Variants in VAT1L observed in about 807,000 individuals in gnomAD.
VAT1L encodes the protein vesicle amine transport 1 like.
In VAT1L, 34 loss-of-function variants were observed where a neutral mutation model predicts 44.1. The observed-to-expected ratio is 0.77, with a 90% CI of 0.59 to 1.03. VAT1L has a LOEUF of 1.03. Ranked by LOEUF, VAT1L falls within the 50% of genes least tolerant of loss-of-function variation. The pLI is 0.00. For missense variants in VAT1L, 615 were observed against 538.8 expected (o/e 1.14, Z -1.40); for synonymous variants, 253 against 202.2 (o/e 1.25, Z -2.13).
chr16:77,922,429 G>A (rs1310900707), intron 7 of VAT1L, among the ~76,000 whole-genome samples: 1 of 152,192 alleles, frequency 6.6e-6, no homozygotes, highest in Non-Finnish European at 1.5e-5. Flanking sequence ...TTAGAAATGT[G>A]CTGCTTATTA....
At chr16:77,882,291 C>G (rs1232258419) in intron 6 of VAT1L, 1 of 152,212 alleles carries the variant, frequency 6.6e-6, no homozygotes, top group African/African-American at 2.4e-5. Flanking sequence ...ATCTTAAAAT[C>G]GCTGCAGTTT....
intron 7 of VAT1L, among the ~76,000 whole-genome samples, chr16:77,900,523 C>A (rs139850461): frequency 6.6e-6 from 1 of 151,726 alleles, no homozygotes; most frequent in African/African-American, 2.4e-5. Flanking sequence ...GGTGAAACCC[C>A]ATTTCTACTA....
At chr16:77,840,001 G>A (rs1247739137) in intron 3 of VAT1L, among the ~76,000 whole-genome samples, 1 of 140,016 alleles carries the variant, frequency 7.1e-6, no homozygotes, top group African/African-American at 2.8e-5. Flanking sequence ...CACCTTGCTG[G>A]GTGATCTTAA....
At chr16:77,941,486 C>T (rs1179766845) in intron 7 of VAT1L, among the ~76,000 whole-genome samples, 1 of 152,196 alleles carries the variant, frequency 6.6e-6, no homozygotes. Flanking sequence ...CATATGCATG[C>T]ATGTATCTTC....
chr16:77,950,147 G>A (rs1335917693), intron 7 of VAT1L, among the ~76,000 whole-genome samples: 4 of 152,046 alleles, frequency 2.6e-5, no homozygotes, highest in African/African-American at 7.3e-5. Flanking sequence ...AGTGGCTCAC[G>A]CCTGTAATCC....
intron 1 of VAT1L, among the ~76,000 whole-genome samples, chr16:77,797,116 CT>C (rs397854984): frequency 2.5e-3 from 358 of 145,138 alleles, no homozygotes; most frequent in Middle Eastern, 7.0e-3. Flanking sequence ...ACCCTTAAAT[CT>C]TTTTTTTTTT....
chr16:77,829,771 G>A (rs555309759), intron 3 of VAT1L, among the ~76,000 whole-genome samples: 2 of 152,264 alleles, frequency 1.3e-5, no homozygotes, highest in East Asian at 1.9e-4. Flanking sequence ...CTCTTAATCC[G>A]GGTGTGCTCA....
intron 4 of VAT1L, among the ~76,000 whole-genome samples, chr16:77,865,000 GTC>G (rs1406851911): frequency 2.3e-5 from 3 of 129,800 alleles, no homozygotes; most frequent in Non-Finnish European, 4.7e-5. Context: ...TTGAGACGGA[GTC>G]TCGCTCTGTC....
intron 1 of VAT1L, among the ~76,000 whole-genome samples, chr16:77,813,588 G>A (rs540618333): frequency 5.3e-4 from 81 of 152,322 alleles, no homozygotes; most frequent in African/African-American, 1.9e-3. Flanking sequence ...AGGGAGTTGG[G>A]TTGACTCTGT....
chr16:77,959,834 T>G (rs1357888540), intron 7 of VAT1L, among the ~76,000 whole-genome samples: 2 of 152,180 alleles, frequency 1.3e-5, no homozygotes, highest in African/African-American at 4.8e-5. Context: ...GCAACCACAT[T>G]CATGGAAACT....
chr16:77,950,010 C>A (rs766061699), intron 7 of VAT1L, among the ~76,000 whole-genome samples: 1 of 152,202 alleles, frequency 6.6e-6, no homozygotes, highest in Admixed American at 6.5e-5. Context: ...TCTGTAGCCT[C>A]GTTTCACTGC....
At chr16:77,927,054 T>C (rs975691097) in intron 7 of VAT1L, among the ~76,000 whole-genome samples, 1 of 152,048 alleles carries the variant, frequency 6.6e-6, no homozygotes, top group Non-Finnish European at 1.5e-5. Context: ...TCAACACTGT[T>C]ATGGCCCGGC....
intron 7 of VAT1L, among the ~76,000 whole-genome samples, chr16:77,946,574 A>G (rs1410998549): frequency 6.6e-6 from 1 of 151,856 alleles, no homozygotes; most frequent in Non-Finnish European, 1.5e-5. Context: ...GAGCCACAGC[A>G]CCCAGCCCGA....
At chr16:77,938,476 T>C (rs1377648547) in intron 7 of VAT1L, among the ~76,000 whole-genome samples, 3 of 152,166 alleles carry the variant, frequency 2.0e-5, no homozygotes, top group Non-Finnish European at 4.4e-5. Flanking sequence ...AGGGGCTGGG[T>C]GGGAGGTGAC....
chr16:77,972,184 A>G (rs1332854372), intron 8 of VAT1L, among the ~76,000 whole-genome samples: 1 of 152,220 alleles, frequency 6.6e-6, no homozygotes, highest in East Asian at 1.9e-4. Context: ...AAAGCATAGC[A>G]ACAACAGACC....
intron 7 of VAT1L, among the ~76,000 whole-genome samples, chr16:77,933,439 A>G (rs2017755114): frequency 6.6e-6 from 1 of 152,246 alleles, no homozygotes; most frequent in Admixed American, 6.5e-5. Flanking sequence ...ACCATTTACT[A>G]GTCAGTATGT....
intron 2 of VAT1L, 48 bp from the exon 3 acceptor site, chr16:77,825,198 C>T (rs1323937270): frequency 2.5e-6 from 4 of 1,603,332 alleles, no homozygotes; most frequent in Non-Finnish European, 3.4e-6. Flanking sequence ...CTCCTTGAGC[C>T]TCTGTCATGA....
Position 77,955,949 on chromosome 16 carries a change from G to A in VAT1L, c.1078-15901G>A, listed in dbSNP as rs529432920. On this transcript the variant is annotated intron_variant, in intron 7 of 8. Coordinates refer to ENST00000302536, the MANE Select transcript of VAT1L (RefSeq NM_020927.3). ...GTGGTTGTATGAAGCGGGGTCTAAA[G>A]CCTAGTTTCTCTGTATCCACTGTTT... is the stretch of plus-strand genomic sequence containing the variant. Among the ~76,000 whole-genome samples the A allele has an allele frequency of 3.3e-5, 5 of 152,236 alleles. No homozygotes were observed. In the East Asian group the frequency reaches 9.7e-4, roughly 29 times the overall value.
chr16:77,975,458 C>G (rs531947251), intron 8 of VAT1L, among the ~76,000 whole-genome samples: 2 of 152,078 alleles, frequency 1.3e-5, no homozygotes, highest in East Asian at 3.9e-4. Context: ...GTGATCTGCC[C>G]GCCTTGGCCT....
Sources: gnomAD v4.1 joint callset for allele counts (sites outside exome capture counted in the v4.1 genomes callset) on GRCh38, gnomAD v4.1.1 for gene constraint, MANE v1.5 for transcripts, NCBI Gene and HGNC (gene_info 2026-07-23, HGNC 2026-07-21) for gene names.